The following GPC5 variants were observed in gnomAD, a reference collection of about 807,000 sequenced individuals.
GPC5 encodes the protein glypican-5.
Under a neutral mutation model 53.9 loss-of-function variants are expected in GPC5, and 47 were observed. The ratio of observed to expected loss-of-function variants is 0.87; its 90% CI spans 0.69 to 1.11. The LOEUF (loss-of-function observed/expected upper bound fraction) is 1.11, where lower values mean the gene tolerates loss of function less well. Among genes scored for constraint, GPC5 ranks in the 50% most tolerant of loss-of-function variants. The pLI is 0.00. For missense variants in GPC5, 748 were observed against 713.1 expected (o/e 1.05, Z -0.56); for synonymous variants, 286 against 263.3 (o/e 1.09, Z -0.84).
rs150148135 is a variant in GPC5, at chr13:91,728,631, A to T, written c.1120A>T (p.Arg374Trp). The T allele has an allele frequency of 6.2e-7, 1 of 1,613,118 alleles. No individual in the cohort carries two copies. Among genetic ancestry groups the T allele is most frequent in the African/African-American group, 1.3e-5 (1 of 74,996 alleles). The change falls in exon 4 of 8, where the codon AGG becomes TGG. Residue 374 changes from arginine to tryptophan, a missense_variant. Coordinates refer to ENST00000377067, the MANE Select transcript of GPC5 (RefSeq NM_004466.6). ...KEKHGMKTTT[R>W]NSEETLANRR... ...GAAGCATGGAATGAAGACCACCACA[A>T]GGAACAGTGAAGAGACGCTTGCCAA...
In GPC5 at chr13:92,032,573, C is replaced by A. The variant is rs577753359; in HGVS notation, c.1402-112257C>A. Among the ~76,000 whole-genome samples the A allele has an allele frequency of 2.0e-5, 3 of 152,178 alleles. No homozygotes were observed. The South Asian group carries it at 6.2e-4, about 32-fold the overall frequency. On this transcript the variant is annotated intron_variant, in intron 6 of 7. Coordinates refer to ENST00000377067, the MANE Select transcript of GPC5 (RefSeq NM_004466.6). ...TGTCTCTTCTTCCAGTTTCACATGA[C>A]CTAAAACGTGGTCTCACCCTGTCCC...
intron 7 of GPC5, among the ~76,000 whole-genome samples, chr13:92,639,447 T>C (rs536651337): frequency 2.6e-5 from 4 of 152,222 alleles, no homozygotes; most frequent in African/African-American, 9.6e-5. Context: ...GACTGTATCA[T>C]AGATACTGTG....
At position 91,482,934 on chromosome 13, in the gene GPC5, A is replaced by G. The variant is rs78160179; in HGVS notation, c.325+34012A>G. Among the ~76,000 whole-genome samples, 1,094 of 151,202 alleles carry G rather than the reference A, an allele frequency of 7.2e-3. 9 individuals are homozygous for G. The highest frequency in any genetic ancestry group is 0.012 in the Non-Finnish European group (824 of 67,916). On this transcript the variant is annotated intron_variant, in intron 2 of 7. Coordinates refer to ENST00000377067, the MANE Select transcript of GPC5 (RefSeq NM_004466.6). The stretch of plus-strand genomic sequence containing the variant: ...TTACTTCTGTTAGAAATCTACATTT[A>G]GGAGTACAGCTGAAATTGAAGTCAA...
intron 6 of GPC5, among the ~76,000 whole-genome samples, chr13:91,987,064 G>T (rs924484348): frequency 6.6e-6 from 1 of 152,222 alleles, no homozygotes; most frequent in East Asian, 1.9e-4. Flanking sequence ...ATAAATGTTA[G>T]CCAGGATGGC....
chr13:91,475,085 A>C (rs763869604), intron 2 of GPC5, among the ~76,000 whole-genome samples: 4 of 152,202 alleles, frequency 2.6e-5, no homozygotes, highest in African/African-American at 4.8e-5. Context: ...GTTTCCCTCC[A>C]GAGAAATTAA....
chr13:92,148,431 T>G (rs114064189), intron 7 of GPC5, among the ~76,000 whole-genome samples: 149 of 152,220 alleles, frequency 9.8e-4, no homozygotes, highest in African/African-American at 3.3e-3. Context: ...TTAACCATCT[T>G]ACTGCTTTCT....
At chr13:91,699,178 A>C (rs1310288213) in intron 3 of GPC5, among the ~76,000 whole-genome samples, 1 of 152,224 alleles carries the variant, frequency 6.6e-6, no homozygotes, top group East Asian at 1.9e-4. Flanking sequence ...TTGGACAGAG[A>C]AGAGATTGGA....
intron 2 of GPC5, among the ~76,000 whole-genome samples, chr13:91,500,907 T>G (rs1001060744): frequency 3.9e-5 from 6 of 152,120 alleles, no homozygotes; most frequent in Admixed American, 2.6e-4. Flanking sequence ...TCTCATGAGA[T>G]CTGATGGTTT....
At chr13:91,763,463 CA>C (rs2138668074) in intron 5 of GPC5, among the ~76,000 whole-genome samples, 1 of 152,122 alleles carries the variant, frequency 6.6e-6, no homozygotes, top group African/African-American at 2.4e-5. Context: ...AAGACCTGCC[CA>C]AAGTCAAAAG....
chr13:92,180,727 T>A (rs1362560085), intron 7 of GPC5: 1 of 162,872 alleles, frequency 6.1e-6, no homozygotes. Flanking sequence ...ATTCTACTTT[T>A]TCATAGCTAC....
chr13:92,492,822 T>A (rs1879817865), intron 7 of GPC5, among the ~76,000 whole-genome samples: 2 of 152,272 alleles, frequency 1.3e-5, no homozygotes, highest in African/African-American at 4.8e-5. Context: ...TGCCTAGTAA[T>A]CTCCAACTGT....
chr13:92,116,072 A>G (rs1163760611), intron 6 of GPC5, among the ~76,000 whole-genome samples: 2 of 152,096 alleles, frequency 1.3e-5, no homozygotes, highest in Non-Finnish European at 2.9e-5. Context: ...GCAACATAGC[A>G]GGAAACTATC....
In GPC5 at chr13:91,682,840, A is replaced by G. The variant is rs150491855; in HGVS notation, c.326-10347A>G. Among the ~76,000 whole-genome samples, 97 of 152,336 alleles carry G rather than the reference A, an allele frequency of 6.4e-4. 1 individual carries two copies. The highest frequency in any genetic ancestry group is 8.5e-4 in the Non-Finnish European group (58 of 68,034). ...TATTACAGACAAAATTGATGCTTAG[A>G]GAGGTTAAATAGCTCACATAATCAG... On this transcript the variant is annotated intron_variant, in intron 2 of 7. Transcript: ENST00000377067.
At chr13:92,592,708 G>T (rs1229609618) in intron 7 of GPC5, among the ~76,000 whole-genome samples, 2 of 151,188 alleles carry the variant, frequency 1.3e-5, no homozygotes, top group Admixed American at 6.6e-5. Context: ...GGGAGTGAGT[G>T]GTTCATAAGC....
intron 3 of GPC5, among the ~76,000 whole-genome samples, chr13:91,722,415 G>A (rs1319204121): frequency 1.3e-5 from 2 of 152,178 alleles, no homozygotes; most frequent in Non-Finnish European, 2.9e-5. Context: ...TTAAGAGCCT[G>A]AACTAAATGC....
chr13:92,205,266 T>A (rs967315825), intron 7 of GPC5, among the ~76,000 whole-genome samples: 1 of 152,172 alleles, frequency 6.6e-6, no homozygotes, highest in Non-Finnish European at 1.5e-5. Flanking sequence ...AATGGCATGA[T>A]CTTGGAGACC....
intron 2 of GPC5, among the ~76,000 whole-genome samples, chr13:91,553,461 C>T (rs1192029954): frequency 2.0e-5 from 3 of 151,990 alleles, no homozygotes; most frequent in African/African-American, 7.2e-5. Flanking sequence ...GAACCTAGTG[C>T]AGTGTGCATT....
At chr13:92,751,779 AGCGT>A (rs1390295041) in intron 7 of GPC5, among the ~76,000 whole-genome samples, 52 of 152,332 alleles carry the variant, frequency 3.4e-4, no homozygotes, top group Admixed American at 2.3e-3. Flanking sequence ...TTCAATACTT[AGCGT>A]ATGAGGGACA....
chr13:91,642,701 T>A (rs1394443157), intron 2 of GPC5, among the ~76,000 whole-genome samples: 2 of 129,706 alleles, frequency 1.5e-5, no homozygotes, highest in East Asian at 4.7e-4. Flanking sequence ...GGATGTCAAG[T>A]TTAAGGAAGA....
Sources: gnomAD v4.1 joint callset for allele counts (sites outside exome capture counted in the v4.1 genomes callset) on GRCh38, gnomAD v4.1.1 for gene constraint, MANE v1.5 for transcripts, NCBI Gene and HGNC (gene_info 2026-07-23, HGNC 2026-07-21) for gene names.